PPP2R2C: variants seen among roughly 807,000 people sequenced by gnomAD.
The protein encoded by PPP2R2C is protein phosphatase 2 regulatory subunit Bgamma.
PPP2R2C carries 10 observed loss-of-function variants against 45.3 expected under a neutral mutation model. That is an observed-to-expected ratio of 0.22 (90% confidence interval 0.14 to 0.37). PPP2R2C has a LOEUF of 0.37. PPP2R2C is among the 10% of genes least tolerant of loss of function. PPP2R2C has a pLI of 1.00. For missense variants in PPP2R2C, 308 were observed against 619.7 expected, an observed-to-expected ratio of 0.50 and a Z score of 5.34; for synonymous variants, 257 against 245.4, an observed-to-expected ratio of 1.05 and a Z score of -0.44.
chr4:6,553,745 C>G (rs555719590), intron 1 of PPP2R2C, among the ~76,000 whole-genome samples: 2 of 152,302 alleles, frequency 1.3e-5, no homozygotes, highest in East Asian at 3.9e-4. Context: ...CTGCCATGCT[C>G]AGTAGACCTT....
At chr4:6,383,505 A>G (rs1716005497) in intron 1 of PPP2R2C, 1 of 1,102,642 alleles carries the variant, frequency 9.1e-7, no homozygotes, top group Non-Finnish European at 1.2e-6. Flanking sequence ...TGCTGTCCCA[A>G]GACCTGCTCT....
intron 1 of PPP2R2C, among the ~76,000 whole-genome samples, chr4:6,450,874 C>T (rs1720701751): frequency 6.6e-6 from 1 of 152,134 alleles, no homozygotes; most frequent in Admixed American, 6.5e-5. Context: ...TCCTTGCTCA[C>T]GTGGGAAGCC....
In PPP2R2C at chr4:6,368,214, C is replaced by T. The variant is rs1714500600; in HGVS notation, c.625+4309G>A. Among the ~76,000 whole-genome samples the T allele has an allele frequency of 1.3e-5, 2 of 152,202 alleles. No individual in the cohort carries two copies. Among genetic ancestry groups the T allele is most frequent in the Non-Finnish European group, 2.9e-5 (2 of 68,040 alleles). The stretch of plus-strand genomic sequence containing the variant: ...GCACACACCATCAGCTCCGTGTCTA[C>T]ATCCTCACTTGGCAAAAACCACACC... On this transcript the variant is annotated intron_variant, in intron 5 of 8. Coordinates refer to ENST00000382599, the MANE Select transcript of PPP2R2C (RefSeq NM_020416.4). This position sits in a 1 kb window ranked among gnomAD's most constrained non-coding sequence, Gnocchi z 4.2.
chr4:6,371,800 GCA>G (rs1179320214), intron 5 of PPP2R2C, among the ~76,000 whole-genome samples: 2 of 152,172 alleles, frequency 1.3e-5, no homozygotes, highest in African/African-American at 2.4e-5. Flanking sequence ...ACAGAGCCTG[GCA>G]CACAGAGTCT....
At chr4:6,550,500 G>A (rs1321091729) in intron 1 of PPP2R2C, among the ~76,000 whole-genome samples, 2 of 152,162 alleles carry the variant, frequency 1.3e-5, no homozygotes, top group Non-Finnish European at 2.9e-5. Context: ...TCCTCTGCCG[G>A]GAATGCTTTC....
chr4:6,499,332 T>C (rs1359346582), intron 2 of PPP2R2C, among the ~76,000 whole-genome samples: 2 of 152,148 alleles, frequency 1.3e-5, no homozygotes, highest in African/African-American at 4.8e-5. Context: ...TGGAGCACTG[T>C]GGAGCGCAAC....
At chr4:6,511,026 AAT>A (rs1723431216) in intron 2 of PPP2R2C, among the ~76,000 whole-genome samples, 1 of 129,090 alleles carries the variant, frequency 7.7e-6, no homozygotes, top group Non-Finnish European at 1.6e-5. Context: ...ATGTTTGTTG[AAT>A]GAATGAATAA....
chr4:6,527,857 G>T (rs950139324), intron 2 of PPP2R2C, among the ~76,000 whole-genome samples: 2 of 152,114 alleles, frequency 1.3e-5, no homozygotes, highest in Non-Finnish European at 2.9e-5. Flanking sequence ...TGGACAGAAG[G>T]CAGGGCCTGG....
intron 2 of PPP2R2C, among the ~76,000 whole-genome samples, chr4:6,379,373 C>T (rs547967463): frequency 1.3e-5 from 2 of 152,320 alleles, no homozygotes; most frequent in African/African-American, 4.8e-5. Flanking sequence ...GAAACGGAGA[C>T]ATTCAACCCA....
At chr4:6,469,907 C>G (rs1173178965) in intron 1 of PPP2R2C, among the ~76,000 whole-genome samples, 1 of 152,232 alleles carries the variant, frequency 6.6e-6, no homozygotes, top group African/African-American at 2.4e-5. Flanking sequence ...GAGCCCTATG[C>G]CCTGCACACA....
At chr4:6,323,679 T>C (rs1731711814) in intron 8 of PPP2R2C, 86 bp from the exon 9 acceptor site, 5 of 1,354,462 alleles carry the variant, frequency 3.7e-6, no homozygotes, top group Non-Finnish European at 4.9e-6. Flanking sequence ...CTCACGCCCA[T>C]AATCCCAGGA....
At chr4:6,385,198 G>A (rs1343331048) in intron 1 of PPP2R2C, among the ~76,000 whole-genome samples, 1 of 152,144 alleles carries the variant, frequency 6.6e-6, no homozygotes, top group East Asian at 1.9e-4. Context: ...CCGCCTACCA[G>A]TCCCGCCAGT....
chr4:6,463,001 C>A (rs872882), intron 1 of PPP2R2C, among the ~76,000 whole-genome samples: 42,413 of 152,100 alleles, frequency 0.28, 6,475 homozygotes, highest in East Asian at 0.44. Flanking sequence ...TTCTCTGGGA[C>A]AGAGGGAGGG....
chr4:6,325,405 G>A (rs1166779864), intron 8 of PPP2R2C, among the ~76,000 whole-genome samples: 3 of 152,152 alleles, frequency 2.0e-5, no homozygotes, highest in African/African-American at 4.8e-5. Context: ...CCGGGTGAAC[G>A]AGTCCCACAG....
intron 5 of PPP2R2C, among the ~76,000 whole-genome samples, chr4:6,354,379 C>T (rs1032019845): frequency 7.9e-5 from 12 of 152,128 alleles, no homozygotes; most frequent in Admixed American, 7.9e-4. Flanking sequence ...AACACCAAGG[C>T]AAGGCCTTAC....
chr4:6,520,398 T>C (rs1482092538), intron 2 of PPP2R2C, among the ~76,000 whole-genome samples: 1 of 152,168 alleles, frequency 6.6e-6, no homozygotes, highest in Admixed American at 6.5e-5. Flanking sequence ...CACATCCTTC[T>C]GGACAAGATC....
At chr4:6,450,589 C>T (rs556779989) in intron 1 of PPP2R2C, among the ~76,000 whole-genome samples, 14 of 152,230 alleles carry the variant, frequency 9.2e-5, no homozygotes, top group South Asian at 4.2e-4. Flanking sequence ...GCCTAAGGAA[C>T]GCCAGGAGAG....
chr4:6,512,416 G>C, intron 2 of PPP2R2C, among the ~76,000 whole-genome samples: 2 of 127,496 alleles, frequency 1.6e-5, no homozygotes, highest in African/African-American at 5.9e-5. Flanking sequence ...GGTGGTGGTG[G>C]TGATGGTGGG....
intron 2 of PPP2R2C, among the ~76,000 whole-genome samples, chr4:6,496,758 G>A (rs1722891621): frequency 6.6e-6 from 1 of 152,012 alleles, no homozygotes; most frequent in African/African-American, 2.4e-5. Flanking sequence ...CTACTTGGGA[G>A]GCTGAGGCAT....
Sources: gnomAD v4.1 joint callset for allele counts (sites outside exome capture counted in the v4.1 genomes callset) on GRCh38, gnomAD v4.1.1 for gene constraint, Gnocchi (gnomAD v3.1) non-coding constraint, MANE v1.5 for transcripts, NCBI Gene and HGNC (gene_info 2026-07-23, HGNC 2026-07-21) for gene names.